The following FAIM2 variants were observed in gnomAD, a reference collection of about 807,000 sequenced individuals.
FAIM2 encodes the protein Fas apoptotic inhibitory molecule 2.
A neutral mutation model predicts 47.4 loss-of-function variants in FAIM2; 27 were observed. That is an observed-to-expected ratio of 0.57 (90% CI 0.42 to 0.78). The LOEUF (loss-of-function observed/expected upper bound fraction) is 0.78, where lower values mean the gene tolerates loss of function less well. Among genes scored for constraint, FAIM2 ranks in the 30% least tolerant of loss-of-function variants. FAIM2 has a pLI of 0.00. For synonymous variants in FAIM2, 156 were observed against 159.3 expected (o/e 0.98, Z 0.16); for missense variants, 311 against 389.4 (o/e 0.80, Z 1.69).
intron 11 of FAIM2, among the ~76,000 whole-genome samples, chr12:49,875,244 C>A (rs1025513672): frequency 1.3e-5 from 2 of 152,192 alleles, no homozygotes; most frequent in Admixed American, 6.5e-5. Flanking sequence ...TAAGCCTCTG[C>A]GGCAGGTGTC....
intron 11 of FAIM2, among the ~76,000 whole-genome samples, chr12:49,877,699 TGGTATGTGTGTGCGCGCACACGGCATGTG>T (rs1946746184): frequency 6.6e-6 from 1 of 152,228 alleles, no homozygotes; most frequent in Non-Finnish European, 1.5e-5. Context: ...AGGCTGGTCA[TGGTATGTGTGTGCGCGCACACGGCATGTG>T]GGTATGTGTG....
chr12:49,886,884 T>C (rs1946865471), intron 11 of FAIM2, among the ~76,000 whole-genome samples: 1 of 152,194 alleles, frequency 6.6e-6, no homozygotes. Flanking sequence ...AAATATTAGC[T>C]GTTACTGTTA....
chr12:49,898,131 T>C (rs1433136169), intron 2 of FAIM2, 41 bp from the exon 3 acceptor site: 1 of 1,440,910 alleles, frequency 6.9e-7, no homozygotes. Context: ...GGGTTCCCCC[T>C]ACATAGAATT....
chr12:49,889,621 C>T, intron 8 of FAIM2, 53 bp from the exon 9 acceptor site: 2 of 1,461,202 alleles, frequency 1.4e-6, no homozygotes, highest in Non-Finnish European at 1.9e-6. Context: ...TCTGGTCTCC[C>T]CCACCCTCCT....
chr12:49,900,141 C>G (rs1946971756), intron 2 of FAIM2: 2 of 1,205,376 alleles, frequency 1.7e-6, no homozygotes, highest in Non-Finnish European at 1.1e-6. Flanking sequence ...AGGAGGACAC[C>G]CACAAACACC....
At position 49,901,320 on chromosome 12, in the gene FAIM2, G is replaced by A. The variant is rs750900210; in HGVS notation, c.21C>T (p.Ser7=). 1.3e-5 allele frequency: 21 copies of A among 1,578,180 alleles called. No individual in the cohort carries two copies. Among genetic ancestry groups the A allele is most frequent in the East Asian group, 1.2e-4 (5 of 42,476 alleles). ...CGGTCCCAGGGGCCTTGTTAGCCAC[G>A]GAGAGCTATGGAGTAGAGTCAGAGA... MTQGKL[S]VANKAPGTEG... is the part of the protein sequence containing the mutation. The change falls in exon 2 of 12, where the codon TCC becomes TCT. Residue 7 remains serine, a synonymous_variant. Transcript: ENST00000320634.
chr12:49,892,009 A>G (rs371123668), intron 5 of FAIM2, among the ~76,000 whole-genome samples: 1 of 152,100 alleles, frequency 6.6e-6, no homozygotes, highest in Non-Finnish European at 1.5e-5. Flanking sequence ...GGCCTTCAAC[A>G]TGGCACTGCC....
chr12:49,872,807 C>G (rs1214676189), intron 11 of FAIM2, among the ~76,000 whole-genome samples: 3 of 152,092 alleles, frequency 2.0e-5, no homozygotes, highest in Admixed American at 2.0e-4. Flanking sequence ...CTGTGAGTCC[C>G]TATGTGTAAA....
intron 10 of FAIM2, 112 bp downstream of exon 10, chr12:49,888,995 C>CCT (rs1946880533): frequency 7.8e-6 from 6 of 766,442 alleles, no homozygotes; most frequent in Non-Finnish European, 1.4e-5. Context: ...GGATGGCAGG[C>CCT]TGTGGGGCCT....
intron 11 of FAIM2, among the ~76,000 whole-genome samples, chr12:49,878,453 T>C (rs1400163398): frequency 8.4e-6 from 1 of 119,182 alleles, no homozygotes; most frequent in African/African-American, 3.1e-5. Flanking sequence ...TCTGAGTGAA[T>C]GTGTATGCAT....
intron 6 of FAIM2, 98 bp from the exon 7 acceptor site, chr12:49,890,820 C>G: frequency 2.0e-6 from 2 of 998,230 alleles, no homozygotes; most frequent in Non-Finnish European, 3.2e-6. Context: ...TGACCAACCC[C>G]CTCCACACTC....
At chr12:49,901,532 G>T (rs1285300619) in intron 1 of FAIM2, 2 of 479,514 alleles carry the variant, frequency 4.2e-6, no homozygotes, top group African/African-American at 4.1e-5. Context: ...GGCACATGGT[G>T]GAGCTGGGAT....
At chr12:49,878,878 GTA>G in intron 11 of FAIM2, among the ~76,000 whole-genome samples, 1 of 59,996 alleles carries the variant, frequency 1.7e-5, no homozygotes, top group African/African-American at 1.0e-4. Flanking sequence ...ATGTGAGTGT[GTA>G]TGCATGTGTA....
chr12:49,880,144 G>A (rs1172422502), intron 11 of FAIM2, among the ~76,000 whole-genome samples: 5 of 148,396 alleles, frequency 3.4e-5, no homozygotes, highest in African/African-American at 1.2e-4. Flanking sequence ...GTGTATATGT[G>A]AGTGTATGTG....
At chr12:49,880,229 CATGT>C (rs1462079380) in intron 11 of FAIM2, among the ~76,000 whole-genome samples, 5 of 134,022 alleles carry the variant, frequency 3.7e-5, no homozygotes, top group African/African-American at 8.5e-5. Context: ...TATGTGCATG[CATGT>C]GTGTATGTGT....
At chr12:49,893,054 A>T (rs297929) in intron 5 of FAIM2, among the ~76,000 whole-genome samples, 13 of 151,048 alleles carry the variant, frequency 8.6e-5, no homozygotes, top group African/African-American at 2.7e-4. Context: ...CCCCACTACC[A>T]CCCTTTGAGG....
intron 10 of FAIM2, among the ~76,000 whole-genome samples, chr12:49,888,308 G>A (rs894781440): frequency 3.3e-5 from 5 of 152,204 alleles, no homozygotes; most frequent in Non-Finnish European, 7.4e-5. Context: ...CCAAGTGCCC[G>A]GAGGCTGGGG....
At chr12:49,898,217 C>T (rs77058563) in intron 2 of FAIM2, 127 bp from the exon 3 acceptor site, 6,073 of 367,440 alleles carry the variant, frequency 0.017, 50 homozygotes, top group Non-Finnish European at 0.023. Context: ...TCTTTCTCTC[C>T]TGCCCCATTA....
At chr12:49,880,533 C>CAT (rs1946811106) in intron 11 of FAIM2, among the ~76,000 whole-genome samples, 1 of 97,704 alleles carries the variant, frequency 1.0e-5, no homozygotes, top group Non-Finnish European at 2.0e-5. Context: ...TGTATATGTG[C>CAT]GTGTGTATGT....
Sources: gnomAD v4.1 joint callset for allele counts (sites outside exome capture counted in the v4.1 genomes callset) on GRCh38, gnomAD v4.1.1 for gene constraint, MANE v1.5 for transcripts, NCBI Gene and HGNC (gene_info 2026-07-23, HGNC 2026-07-21) for gene names.